PRKN: variants seen among roughly 807,000 people sequenced by gnomAD.
The protein encoded by PRKN is parkin RBR E3 ubiquitin protein ligase.
A neutral mutation model predicts 59.5 loss-of-function variants in PRKN; 56 were observed. That is an observed-to-expected ratio of 0.94 (90% CI 0.76 to 1.18). PRKN has a LOEUF of 1.18. Among genes scored for constraint, PRKN ranks in the 50% most tolerant of loss-of-function variants. The probability of loss-of-function intolerance (pLI) is 0.00; values close to 1 mark genes in which losing one functional copy is unlikely to be tolerated. For synonymous variants in PRKN, 250 were observed against 222.1 expected, an observed-to-expected ratio of 1.13 and a Z score of -1.12; for missense variants, 657 against 596.4, an observed-to-expected ratio of 1.10 and a Z score of -1.06.
chr6:161,440,804 G>A lies in PRKN; in HGVS notation c.1084-53927C>T, dbSNP rs1454204160. ...GAAGGTAGAAAGTAGAATGGCCCTG[G>A]GTTTTCTGAGGGTTCTTTATTTGTC... On this transcript the variant is annotated intron_variant, in intron 9 of 11. Coordinates refer to ENST00000366898, the MANE Select transcript of PRKN (RefSeq NM_004562.3). This position sits in a 1 kb window ranked among gnomAD's most constrained non-coding sequence, Gnocchi z 4.1. Among the ~76,000 whole-genome samples, 1 of 152,092 alleles carries A rather than the reference G, an allele frequency of 6.6e-6. No individual in the cohort carries two copies. The highest frequency in any genetic ancestry group is 6.5e-5 in the Admixed American group (1 of 15,270).
At chr6:162,639,198 T>G (rs1777866564) in intron 1 of PRKN, among the ~76,000 whole-genome samples, 1 of 152,178 alleles carries the variant, frequency 6.6e-6, no homozygotes. Context: ...CTAACAAGTA[T>G]GCTTATTCCT....
chr6:161,619,066 C>A (rs921012578), intron 7 of PRKN, among the ~76,000 whole-genome samples: 1 of 152,002 alleles, frequency 6.6e-6, no homozygotes, highest in Non-Finnish European at 1.5e-5. Flanking sequence ...CCTGGCAGAG[C>A]CTGAAGTGGT....
chr6:162,530,624 C>T (rs573482227), intron 1 of PRKN, among the ~76,000 whole-genome samples: 68 of 152,142 alleles, frequency 4.5e-4, no homozygotes, highest in African/African-American at 1.6e-3. Context: ...TGTGAGAATG[C>T]AGTGAGAAAA....
intron 5 of PRKN, among the ~76,000 whole-genome samples, chr6:161,988,650 A>G (rs1783334910): frequency 6.6e-6 from 1 of 152,154 alleles, no homozygotes; most frequent in Admixed American, 6.5e-5. Flanking sequence ...AAAAACAGAG[A>G]AAACCTATTA....
intron 1 of PRKN, among the ~76,000 whole-genome samples, chr6:162,670,444 T>C (rs2128230080): frequency 6.6e-6 from 1 of 152,334 alleles, no homozygotes; most frequent in South Asian, 2.1e-4. Flanking sequence ...CAAAAGTAAA[T>C]AATACTGTCA....
rs73608407 is a variant in PRKN at position 162,483,200 on chromosome 6, G to A, written c.8-39727C>T. Among the ~76,000 whole-genome samples, 369 of 152,108 alleles carry A rather than the reference G, an allele frequency of 2.4e-3. 3 individuals carry two copies. The highest frequency in any genetic ancestry group is 8.4e-3 in the African/African-American group (348 of 41,484). On this transcript the variant is annotated intron_variant, in intron 1 of 11. Transcript: ENST00000366898. ...CACAAAACCCAGTCTCACGATATTC[G>A]AGTCTGGGTCCTCTCTGAGAAACAG...
chr6:162,249,938 G>C (rs1779354333), intron 3 of PRKN, among the ~76,000 whole-genome samples: 2 of 152,066 alleles, frequency 1.3e-5, no homozygotes, highest in South Asian at 4.1e-4. Context: ...TTGAAGTCAG[G>C]AGTTTCAGAC....
At chr6:162,047,623 A>G (rs1777438141) in intron 5 of PRKN, among the ~76,000 whole-genome samples, 1 of 152,198 alleles carries the variant, frequency 6.6e-6, no homozygotes, top group African/African-American at 2.4e-5. Flanking sequence ...TGTGATTCTA[A>G]TGAAGTCTAA....
At chr6:162,514,511 T>C (rs1457051232) in intron 1 of PRKN, among the ~76,000 whole-genome samples, 1 of 152,210 alleles carries the variant, frequency 6.6e-6, no homozygotes, top group Non-Finnish European at 1.5e-5. Flanking sequence ...TTTCTCTCTG[T>C]CCTCTTCTCC....
At chr6:161,856,285 G>A (rs1410108203) in intron 6 of PRKN, among the ~76,000 whole-genome samples, 3 of 151,994 alleles carry the variant, frequency 2.0e-5, no homozygotes, top group African/African-American at 4.8e-5. Flanking sequence ...ATTTGAACCC[G>A]GGAGGCGGAG....
intron 4 of PRKN, among the ~76,000 whole-genome samples, chr6:162,153,613 A>G (rs547890444): frequency 6.6e-6 from 1 of 152,300 alleles, no homozygotes; most frequent in African/African-American, 2.4e-5. Flanking sequence ...GAATAAGGTT[A>G]CCTAGACAAA....
At chr6:162,304,730 A>G (rs1173774262) in intron 2 of PRKN, among the ~76,000 whole-genome samples, 1 of 150,898 alleles carries the variant, frequency 6.6e-6, no homozygotes, top group East Asian at 1.9e-4. Context: ...AAAAATTACT[A>G]AATAGCTAAG....
chr6:161,830,273 A>G (rs1391537811), intron 6 of PRKN, among the ~76,000 whole-genome samples: 3 of 144,804 alleles, frequency 2.1e-5, no homozygotes, highest in African/African-American at 5.2e-5. Flanking sequence ...TTTTTTTGAG[A>G]TGGAGTCTCG....
chr6:161,348,768 T>A lies in PRKN; in HGVS notation c.*1331A>T. The A allele has an allele frequency of 4.8e-6, 1 of 209,712 alleles. No individual in the cohort carries two copies. The highest frequency in any genetic ancestry group is 9.7e-6 in the Non-Finnish European group (1 of 103,070). The allele number at this position is 209,712 out of a possible 1,614,324, so 13.0% of individuals were successfully genotyped here. ...TTATGTTCACGATCTTCCTGAGAAGTCAGACAATACAGGTAGAACAAAAGA... is the reference window on the plus strand; with the variant it reads ...TTATGTTCACGATCTTCCTGAGAAGACAGACAATACAGGTAGAACAAAAGA... On this transcript the variant is annotated 3_prime_UTR_variant, in exon 12 of 12. Transcript: ENST00000366898. The surrounding 1 kb of genome is among the most constrained non-coding windows in gnomAD (Gnocchi z 4.9).
intron 7 of PRKN, among the ~76,000 whole-genome samples, chr6:161,629,027 C>T (rs1391554338): frequency 1.3e-5 from 2 of 152,138 alleles, no homozygotes; most frequent in South Asian, 2.1e-4. Flanking sequence ...AGAAGGCAGA[C>T]ACAGAGCTGG....
intron 5 of PRKN, among the ~76,000 whole-genome samples, chr6:162,034,855 T>C (rs1783779703): frequency 6.6e-6 from 1 of 152,190 alleles, no homozygotes; most frequent in African/African-American, 2.4e-5. Context: ...TAGCTTCAAA[T>C]TGCTGGTCCA....
At chr6:161,973,183 A>G (rs878945801) in intron 6 of PRKN, 119 bp downstream of exon 6, 14 of 736,554 alleles carry the variant, frequency 1.9e-5, no homozygotes, top group Middle Eastern at 2.3e-4. Flanking sequence ...AAGAGAGTTC[A>G]CTGAGGAAGG....
At chr6:162,253,110 A>T (rs1319494299) in intron 3 of PRKN, among the ~76,000 whole-genome samples, 1 of 152,186 alleles carries the variant, frequency 6.6e-6, no homozygotes, top group Non-Finnish European at 1.5e-5. Flanking sequence ...ATGTTAAGAG[A>T]GTACTTTTTC....
At chr6:162,323,151 G>C (rs904139724) in intron 2 of PRKN, among the ~76,000 whole-genome samples, 5 of 151,252 alleles carry the variant, frequency 3.3e-5, no homozygotes, top group Admixed American at 6.6e-5. Flanking sequence ...CAGCACACCA[G>C]CATGGCACAT....
Sources: allele counts gnomAD v4.1 joint callset (sites outside exome capture counted in the v4.1 genomes callset), GRCh38; gene constraint gnomAD v4.1.1; non-coding constraint Gnocchi (gnomAD v3.1); transcripts MANE v1.5; gene names NCBI Gene and HGNC (gene_info 2026-07-23, HGNC 2026-07-21).